UNC13C: variants seen among roughly 807,000 people sequenced by gnomAD.
UNC13C encodes the protein unc-13 homolog C.
In UNC13C, 174 loss-of-function variants were observed where a neutral mutation model predicts 245.4. That is an observed-to-expected ratio of 0.71 (90% CI 0.63 to 0.80). The LOEUF (loss-of-function observed/expected upper bound fraction) is 0.80. Ranked by LOEUF, UNC13C falls within the 30% of genes least tolerant of loss-of-function variation. UNC13C has a pLI of 0.00. For missense variants in UNC13C, 2,829 were observed against 2,602.9 expected, an observed-to-expected ratio of 1.09 and a Z score of -1.89; for synonymous variants, 992 against 895.1, an observed-to-expected ratio of 1.11 and a Z score of -1.93.
chr15:54,145,172 C>A (rs2032200943), intron 4 of UNC13C, among the ~76,000 whole-genome samples: 1 of 151,792 alleles, frequency 6.6e-6, no homozygotes, highest in South Asian at 2.1e-4. Context: ...CATTTATGTA[C>A]AGTATAAATA....
At chr15:54,286,381 T>C (rs929784820) in intron 10 of UNC13C, among the ~76,000 whole-genome samples, 7 of 152,200 alleles carry the variant, frequency 4.6e-5, no homozygotes, top group African/African-American at 9.6e-5. Context: ...GTTGCTTCAT[T>C]AGATCTAGCC....
At chr15:54,237,407 G>C in intron 6 of UNC13C, 2 of 655,400 alleles carry the variant, frequency 3.1e-6, no homozygotes, top group South Asian at 1.7e-5. Flanking sequence ...AAAATGTAGG[G>C]GTTGGGTTTG....
intron 4 of UNC13C, among the ~76,000 whole-genome samples, chr15:54,178,010 T>C (rs1366808877): frequency 6.6e-6 from 1 of 152,162 alleles, no homozygotes; most frequent in African/African-American, 2.4e-5. Context: ...GCATTTTTAT[T>C]GATTTTTTAT....
chr15:54,584,614 TCTTTC>T (rs1302741106), intron 30 of UNC13C, among the ~76,000 whole-genome samples: 1 of 152,160 alleles, frequency 6.6e-6, no homozygotes, highest in African/African-American at 2.4e-5. Flanking sequence ...AGTCAGTTTT[TCTTTC>T]CTTTAGGAGT....
intron 17 of UNC13C, among the ~76,000 whole-genome samples, chr15:54,358,211 G>C (rs2039142161): frequency 6.6e-6 from 1 of 151,968 alleles, no homozygotes; most frequent in South Asian, 2.1e-4. Context: ...ATGCTGTTTT[G>C]GTCACTACAG....
At chr15:54,021,891 C>G (rs949052420) in intron 2 of UNC13C, among the ~76,000 whole-genome samples, 13 of 152,180 alleles carry the variant, frequency 8.5e-5, no homozygotes, top group African/African-American at 2.7e-4. Context: ...TAGTAACATG[C>G]TCTATATGTT....
Position 54,118,906 on chromosome 15 carries a change from T to C in UNC13C, c.2984-24112T>C, listed in dbSNP as rs2141190007. 2.0e-5 allele frequency among the ~76,000 whole-genome samples: 3 copies of C among 152,102 alleles called. No homozygotes were observed. The Middle Eastern group carries it at 0.01, about 521-fold the overall frequency. ...ATCTATTGAAATGATCTTACGGTTT[T>C]TTTTTTTTTGGTTCTGTTAATGTGA... On this transcript the variant is annotated intron_variant, in intron 2 of 32. Transcript: ENST00000260323.
intron 17 of UNC13C, among the ~76,000 whole-genome samples, chr15:54,375,862 A>C (rs2039595852): frequency 6.6e-6 from 1 of 152,248 alleles, no homozygotes; most frequent in South Asian, 2.1e-4. Flanking sequence ...CTCTTGACCC[A>C]TTAAAACTGT....
At chr15:54,173,420 AT>A (rs34424657) in intron 4 of UNC13C, among the ~76,000 whole-genome samples, 21,871 of 151,936 alleles carry the variant, frequency 0.14, 3,044 homozygotes, top group African/African-American at 0.36. Context: ...CGTGATTTAC[AT>A]TGTACAGTTA....
the UNC13C span, among the ~76,000 whole-genome samples, chr15:53,908,932 C>G: frequency 2.9e-4 from 43 of 146,080 alleles, 6 homozygotes; most frequent in Non-Finnish European, 6.1e-4. Flanking sequence ...TTATTGTTAA[C>G]ATAAACATTA....
intron 17 of UNC13C, among the ~76,000 whole-genome samples, chr15:54,358,837 C>A (rs2039160332): frequency 6.6e-6 from 1 of 152,018 alleles, no homozygotes; most frequent in South Asian, 2.1e-4. Context: ...ATAGCTAAGA[C>A]TTCCAGTATT....
chr15:54,403,715 C>CAAAAA (rs771818988), intron 18 of UNC13C, among the ~76,000 whole-genome samples: 2 of 56,860 alleles, frequency 3.5e-5, no homozygotes, highest in East Asian at 7.9e-4. Flanking sequence ...GAACCTGTCT[C>CAAAAA]AAAAAAAAAA....
At chr15:53,841,831 G>T in the UNC13C span, among the ~76,000 whole-genome samples, 4 of 152,140 alleles carry the variant, frequency 2.6e-5, no homozygotes. Context: ...GACAAAATTT[G>T]CCTCTTCTGT....
chr15:53,939,294 A>G, the UNC13C span, among the ~76,000 whole-genome samples: 5 of 152,266 alleles, frequency 3.3e-5, no homozygotes, highest in African/African-American at 1.2e-4. Context: ...CCAAGAATAA[A>G]TTGAATTCCT....
intron 17 of UNC13C, among the ~76,000 whole-genome samples, chr15:54,370,110 A>C (rs2039456699): frequency 6.6e-6 from 1 of 152,068 alleles, no homozygotes; most frequent in Admixed American, 6.6e-5. Context: ...TGCAATATTT[A>C]CTATTTTCTT....
intron 10 of UNC13C, among the ~76,000 whole-genome samples, chr15:54,272,504 C>G (rs1313732782): frequency 6.6e-6 from 1 of 152,166 alleles, no homozygotes; most frequent in Non-Finnish European, 1.5e-5. Context: ...GTTGTCTGAG[C>G]CATTTTACAG....
intron 22 of UNC13C, among the ~76,000 whole-genome samples, chr15:54,505,471 A>G (rs148513601): frequency 2.6e-4 from 40 of 152,332 alleles, no homozygotes; most frequent in African/African-American, 9.1e-4. Context: ...ATGTCCAACA[A>G]GTTCCCAGGT....
At chr15:54,580,317 T>C (rs1898143822) in intron 30 of UNC13C, among the ~76,000 whole-genome samples, 1 of 152,242 alleles carries the variant, frequency 6.6e-6, no homozygotes, top group Admixed American at 6.5e-5. Flanking sequence ...TTATTACGTG[T>C]TTAATCTATC....
Position 54,014,491 on chromosome 15 carries a change from G to C in UNC13C, c.1588G>C (p.Asp530His). The C allele has an allele frequency of 1.9e-6, 3 of 1,613,828 alleles. No individual in the cohort carries two copies. In the South Asian group the frequency reaches 3.3e-5, roughly 18 times the overall value. Residue 530 changes from aspartate to histidine, a missense_variant, in exon 2 of 33, where the codon GAT becomes CAT. Coordinates refer to ENST00000260323, the MANE Select transcript of UNC13C (RefSeq NM_001080534.3). ...AAAGCAAACCACAACCCATTATGCA[G>C]ATGCAACACCTCTCTGGCACTCACA... ...LEKQTTTHYA[D>H]ATPLWHSQSD...
Sources: allele counts gnomAD v4.1 joint callset (sites outside exome capture counted in the v4.1 genomes callset), GRCh38; gene constraint gnomAD v4.1.1; transcripts MANE v1.5; gene names NCBI Gene and HGNC (gene_info 2026-07-23, HGNC 2026-07-21).